DOCK1: variants seen among roughly 807,000 people sequenced by gnomAD.
DOCK1 encodes dedicator of cytokinesis 1.
A neutral mutation model predicts 262.7 loss-of-function variants in DOCK1; 138 were observed. The observed-to-expected ratio is 0.53, with a 90% confidence interval of 0.46 to 0.61. The LOEUF (loss-of-function observed/expected upper bound fraction) is 0.61. Ranked by LOEUF, DOCK1 falls within the 20% of genes least tolerant of loss-of-function variation. The pLI is 0.00. For missense variants in DOCK1, 1,908 were observed against 2,370.7 expected, an observed-to-expected ratio of 0.80 and a Z score of 4.05; for synonymous variants, 866 against 867.4, an observed-to-expected ratio of 1.00 and a Z score of 0.03.
At chr10:127,025,041 T>G (rs537921624) in intron 15 of DOCK1, 12 of 339,692 alleles carry the variant, frequency 3.5e-5, no homozygotes, top group African/African-American at 2.5e-4. Context: ...AGCTATTGTC[T>G]TTCTCTTCCC....
rs2055105776 is a variant in DOCK1, at chr10:127,176,089, T to C, written c.2847+48325T>C. Reference sequence around the variant, plus strand: ...AGGTCGGGCGAGGTCTGCACGCCTGTGCTCTTGGTGACGTTGGGGATGGAC... The same window carrying C: ...AGGTCGGGCGAGGTCTGCACGCCTGCGCTCTTGGTGACGTTGGGGATGGAC... On this transcript the variant is annotated intron_variant, in intron 27 of 51. Transcript: ENST00000623213. The surrounding 1 kb of genome is among the most constrained non-coding windows in gnomAD (Gnocchi z 4.4). 1 of 1,614,184 alleles carries C rather than the reference T, an allele frequency of 6.2e-7. No individual in the cohort carries two copies. The highest frequency in any genetic ancestry group is 8.5e-7 in the Non-Finnish European group (1 of 1,180,020).
At chr10:127,282,095 T>C (rs1297630750) in intron 29 of DOCK1, among the ~76,000 whole-genome samples, 2 of 152,228 alleles carry the variant, frequency 1.3e-5, no homozygotes, top group African/African-American at 4.8e-5. Context: ...AAAGCCATCC[T>C]GGGCCACATG....
Position 126,986,304 on chromosome 10 carries a change from A to G in DOCK1, c.228-1217A>G, listed in dbSNP as rs914627630. On this transcript the variant is annotated intron_variant, in intron 4 of 51. Transcript: ENST00000623213. ...CCCTCCACTGTCAATAAGTCATCAC[A>G]GGCCTGATCTCCAATCGTGAGCCAG... Among the ~76,000 whole-genome samples, 7 of 150,040 alleles carry G rather than the reference A, an allele frequency of 4.7e-5. No homozygotes were observed. In the Admixed American group the frequency reaches 4.8e-4, roughly 10 times the overall value.
intron 27 of DOCK1, among the ~76,000 whole-genome samples, chr10:127,173,672 G>C (rs1224508504): frequency 6.6e-6 from 1 of 151,966 alleles, no homozygotes; most frequent in African/African-American, 2.4e-5. Context: ...TCAGTGACTG[G>C]GTCAATGTTT....
At chr10:126,975,446 A>G (rs914743719) in intron 2 of DOCK1, among the ~76,000 whole-genome samples, 3 of 152,114 alleles carry the variant, frequency 2.0e-5, no homozygotes, top group Non-Finnish European at 2.9e-5. Context: ...CGCAGTGGAC[A>G]CTGCCACCCA....
intron 1 of DOCK1, among the ~76,000 whole-genome samples, chr10:126,912,685 C>A (rs1238551202): frequency 6.0e-5 from 9 of 150,770 alleles, no homozygotes; most frequent in Admixed American, 1.3e-4. Context: ...GAGATCGCGC[C>A]ACCGTACTCC....
intron 1 of DOCK1, among the ~76,000 whole-genome samples, chr10:126,945,997 TTTTAA>T (rs1180060717): frequency 6.6e-6 from 1 of 152,204 alleles, no homozygotes; most frequent in Non-Finnish European, 1.5e-5. Flanking sequence ...TCTGGACTCT[TTTTAA>T]ACAGCTTTCT....
chr10:127,043,996 T>G (rs1822910136), intron 21 of DOCK1, among the ~76,000 whole-genome samples: 1 of 152,198 alleles, frequency 6.6e-6, no homozygotes, highest in Admixed American at 6.5e-5. Context: ...TTAGATTTAT[T>G]ATGATGACTT....
chr10:127,191,124 C>A (rs1197037007), intron 27 of DOCK1, among the ~76,000 whole-genome samples: 2 of 152,090 alleles, frequency 1.3e-5, no homozygotes, highest in Non-Finnish European at 2.9e-5. Flanking sequence ...TTGGCTTAAG[C>A]TCCAGGACTA....
At chr10:127,245,765 C>T (rs568416789) in intron 27 of DOCK1, among the ~76,000 whole-genome samples, 4 of 152,228 alleles carry the variant, frequency 2.6e-5, no homozygotes, top group African/African-American at 7.2e-5. Context: ...ATTTTGAGAC[C>T]CCCTCAAGGA....
At chr10:126,908,036 T>C (rs1333232075) in intron 1 of DOCK1, among the ~76,000 whole-genome samples, 1 of 150,006 alleles carries the variant, frequency 6.7e-6, no homozygotes, top group Admixed American at 6.6e-5. Context: ...TTCCTCTCAC[T>C]GGGTGCAGAT....
At chr10:127,415,007 C>G (rs1423083516) in intron 43 of DOCK1, 145 bp from the exon 44 acceptor site, 1 of 676,498 alleles carries the variant, frequency 1.5e-6, no homozygotes, top group Non-Finnish European at 2.5e-6. Context: ...TGAAGGCACA[C>G]ATGCCCTGTG....
At chr10:127,322,309 C>T (rs942925457) in intron 29 of DOCK1, among the ~76,000 whole-genome samples, 2 of 150,692 alleles carry the variant, frequency 1.3e-5, no homozygotes, top group Admixed American at 6.6e-5. Context: ...CCCGCCTTAG[C>T]CTCCTAAGTA....
At chr10:127,025,642 G>GT (rs2042784204) in intron 15 of DOCK1, among the ~76,000 whole-genome samples, 1 of 151,918 alleles carries the variant, frequency 6.6e-6, no homozygotes, top group Admixed American at 6.6e-5. Context: ...TAGAGTTGGG[G>GT]TTTTATCATG....
At chr10:126,947,184 T>C (rs1027090651) in intron 1 of DOCK1, among the ~76,000 whole-genome samples, 2 of 152,228 alleles carry the variant, frequency 1.3e-5, no homozygotes, top group Non-Finnish European at 2.9e-5. Flanking sequence ...TTCTGGTCTT[T>C]CTCAGGGCAG....
intron 48 of DOCK1, among the ~76,000 whole-genome samples, chr10:127,434,870 T>C (rs1036094255): frequency 5.3e-5 from 8 of 152,136 alleles, no homozygotes; most frequent in African/African-American, 1.9e-4. Flanking sequence ...GCCAGGATGG[T>C]CTCGATCTCC....
Position 127,409,400 on chromosome 10 carries a change from C to A in DOCK1, c.4343+9C>A, listed in dbSNP as rs746771932. 3.1e-6 allele frequency: 5 copies of A among 1,613,752 alleles called. No homozygotes were observed. The highest frequency in any genetic ancestry group is 1.1e-5 in the South Asian group (1 of 91,062). ...TCAGAGCAGATTGTAAGGTAATAAT[C>A]CCATTTTTCTTACCCAACGTGAGGG... is the stretch of plus-strand genomic sequence containing the variant. On this transcript the variant is annotated intron_variant, in intron 42 of 51. Coordinates refer to ENST00000623213, the MANE Select transcript of DOCK1 (RefSeq NM_001290223.2).
In DOCK1 at chr10:127,403,008, C is replaced by T. The variant is rs752546617; in HGVS notation, c.3928-47C>T. On this transcript the variant is annotated intron_variant, in intron 38 of 51. Coordinates refer to ENST00000623213, the MANE Select transcript of DOCK1 (RefSeq NM_001290223.2). ...TTGCATTCCTGTTTGACTCTTTGCA[C>T]AATTCAGGCCTCGGCTTCTCTTTCT... 2.0e-6 allele frequency: 3 copies of T among 1,526,786 alleles called. No individual in the cohort carries two copies. In the East Asian group the frequency reaches 7.1e-5, roughly 36 times the overall value. The allele number at this position is 1,526,786 out of a possible 1,614,324, so 94.6% of individuals were successfully genotyped here. A position where few individuals can be genotyped will look rare whatever the true frequency, so the allele number is the denominator to read the frequency against.
chr10:127,172,586 A>G (rs1010636365), intron 27 of DOCK1, among the ~76,000 whole-genome samples: 2 of 152,156 alleles, frequency 1.3e-5, no homozygotes, highest in Admixed American at 1.3e-4. Context: ...GGGCCCCATA[A>G]GGTGGCCTTG....
Sources: gnomAD v4.1 joint callset for allele counts (sites outside exome capture counted in the v4.1 genomes callset) on GRCh38, gnomAD v4.1.1 for gene constraint, Gnocchi (gnomAD v3.1) non-coding constraint, MANE v1.5 for transcripts, NCBI Gene and HGNC (gene_info 2026-07-23, HGNC 2026-07-21) for gene names.